ZSCAN25: variants seen among roughly 807,000 people sequenced by gnomAD.
The protein encoded by ZSCAN25 is zinc finger and SCAN domain containing 25.
ZSCAN25 carries 27 observed loss-of-function variants against 38.7 expected under a neutral mutation model. That is an observed-to-expected ratio of 0.70 (90% CI 0.51 to 0.96). The LOEUF is 0.96. Ranked by LOEUF, ZSCAN25 falls within the 40% of genes least tolerant of loss-of-function variation. The pLI, the probability that ZSCAN25 is intolerant of heterozygous loss-of-function variation, is 0.00. For missense variants in ZSCAN25, 637 were observed against 705.9 expected, an observed-to-expected ratio of 0.90 and a Z score of 1.11; for synonymous variants, 273 against 277.7, an observed-to-expected ratio of 0.98 and a Z score of 0.17.
At chr7:99,640,961 T>C in the ZSCAN25 span, among the ~76,000 whole-genome samples, 1 of 152,178 alleles carries the variant, frequency 6.6e-6, no homozygotes, top group African/African-American at 2.4e-5. Flanking sequence ...CTCTGTTCTA[T>C]CATCTGAGTG....
chr7:99,672,810 T>A, the ZSCAN25 span: 1 of 1,513,764 alleles, frequency 6.6e-7, no homozygotes, highest in Non-Finnish European at 8.8e-7. Flanking sequence ...CACAGCAACC[T>A]TAGGTTCTAG....
Position 99,620,229 on chromosome 7 carries a change from A to G in ZSCAN25, c.387+236A>G. 1.1e-5 allele frequency: 6 copies of G among 563,406 alleles called. 1 individual carries two copies. In the South Asian group the frequency reaches 1.6e-4, roughly 15 times the overall value. The allele number at this position is 563,406 out of a possible 1,614,324, so 34.9% of individuals were successfully genotyped here. A position where few individuals can be genotyped will look rare whatever the true frequency, so the allele number is the denominator to read the frequency against. On this transcript the variant is annotated intron_variant, in intron 4 of 7. Transcript: ENST00000394152. ...AGCCTCTGTTTGGTCATGAGGGCAGAGGCCTGGCCATATTTCCCTTGTGGG... is the reference window on the plus strand; with the variant it reads ...AGCCTCTGTTTGGTCATGAGGGCAGGGGCCTGGCCATATTTCCCTTGTGGG...
the ZSCAN25 span, among the ~76,000 whole-genome samples, chr7:99,710,059 A>G: frequency 6.6e-6 from 1 of 152,178 alleles, no homozygotes; most frequent in Non-Finnish European, 1.5e-5. Flanking sequence ...TCAGGGCTGG[A>G]CTGTAATCTC....
chr7:99,630,509 C>T lies in ZSCAN25; in HGVS notation c.*489C>T. 2 of 994,500 alleles carry T rather than the reference C, an allele frequency of 2.0e-6. No homozygotes were observed. Among genetic ancestry groups the T allele is most frequent in the Non-Finnish European group, 1.2e-6 (1 of 835,526 alleles). The allele number at this position is 994,500 out of a possible 1,614,324, so 61.6% of individuals were successfully genotyped here. A position where few individuals can be genotyped will look rare whatever the true frequency, so the allele number is the denominator to read the frequency against. ...ATGCCGTGGTGAATGAGAGACTAGA[C>T]GTGATGCCTCTGGGGGTTGTGCGTT... On this transcript the variant is annotated 3_prime_UTR_variant, in exon 8 of 8. Transcript: ENST00000394152.
chr7:99,678,364 ACC>A, the ZSCAN25 span, among the ~76,000 whole-genome samples: 1 of 152,242 alleles, frequency 6.6e-6, no homozygotes, highest in East Asian at 1.9e-4. Context: ...TATGGATCCT[ACC>A]TGGAAGCCTT....
the ZSCAN25 span, among the ~76,000 whole-genome samples, chr7:99,657,144 C>T: frequency 1.3e-5 from 2 of 151,970 alleles, no homozygotes; most frequent in Non-Finnish European, 2.9e-5. Context: ...GTGTTTGCTC[C>T]TGCTTCTCTA....
the ZSCAN25 span, among the ~76,000 whole-genome samples, chr7:99,733,880 A>T: frequency 6.6e-6 from 1 of 152,246 alleles, no homozygotes; most frequent in South Asian, 2.1e-4. Context: ...GTATTAAAAT[A>T]AACTCTTGGG....
At chr7:99,691,225 A>G in the ZSCAN25 span, among the ~76,000 whole-genome samples, 2 of 151,776 alleles carry the variant, frequency 1.3e-5, no homozygotes, top group Non-Finnish European at 2.9e-5. Flanking sequence ...TACTCACTCA[A>G]AGGTTGGAAT....
the ZSCAN25 span, chr7:99,662,828 C>CA: frequency 6.2e-7 from 1 of 1,613,978 alleles, no homozygotes; most frequent in African/African-American, 1.3e-5. This position sits in a 1 kb window ranked among gnomAD's most constrained non-coding sequence, Gnocchi z 4.3. Context: ...TTGTGGGACT[C>CA]AGTTTCTTTC....
the ZSCAN25 span, chr7:99,705,457 G>T: frequency 8.1e-6 from 13 of 1,601,474 alleles, no homozygotes; most frequent in Non-Finnish European, 1.0e-5. Flanking sequence ...GGTGTTCTGG[G>T]GCACAGCTTT....
chr7:99,655,233 TC>T, the ZSCAN25 span, among the ~76,000 whole-genome samples: 1 of 152,246 alleles, frequency 6.6e-6, no homozygotes, highest in African/African-American at 2.4e-5. Context: ...AAGTCTTTAA[TC>T]CATCTTGAAT....
downstream of ZSCAN25, among the ~76,000 whole-genome samples, chr7:99,632,986 G>GTT (rs201141594): frequency 7.1e-6 from 1 of 141,482 alleles, no homozygotes; most frequent in Non-Finnish European, 1.5e-5. Flanking sequence ...TGCATTTTCT[G>GTT]TTGTTTTTTT....
At position 99,619,528 on chromosome 7, in the gene ZSCAN25, G is replaced by T. The variant is rs571155605; in HGVS notation, c.-46-33G>T. 2.6e-5 allele frequency: 39 copies of T among 1,479,488 alleles called. No individual in the cohort carries two copies. The East Asian group carries it at 8.6e-4, about 33-fold the overall frequency. 91.6% of individuals were successfully genotyped at this position (1,479,488 alleles called of 1,614,324 possible). On this transcript the variant is annotated intron_variant, in intron 3 of 7. Coordinates refer to ENST00000394152, the MANE Select transcript of ZSCAN25 (RefSeq NM_145115.3). Reference sequence around the variant, plus strand: ...TGATGTAGAGACAGAACTGGGATGGGCTGACCTTTCATGTGTCTCTTGTTC... The same window carrying T: ...TGATGTAGAGACAGAACTGGGATGGTCTGACCTTTCATGTGTCTCTTGTTC...
At chr7:99,682,821 A>G in the ZSCAN25 span, among the ~76,000 whole-genome samples, 1 of 152,080 alleles carries the variant, frequency 6.6e-6, no homozygotes, top group Non-Finnish European at 1.5e-5. Context: ...TACAATATTA[A>G]TTGTAGACAT....
the ZSCAN25 span, among the ~76,000 whole-genome samples, chr7:99,667,357 C>T: frequency 7.1e-4 from 108 of 152,276 alleles, no homozygotes; most frequent in African/African-American, 2.5e-3. Context: ...ACTGTTCTTC[C>T]AGTGGAATAG....
At chr7:99,736,280 A>T in the ZSCAN25 span, among the ~76,000 whole-genome samples, 1 of 152,246 alleles carries the variant, frequency 6.6e-6, no homozygotes, top group African/African-American at 2.4e-5. Context: ...TCAGCCAGCA[A>T]CAATGGGGCA....
At chr7:99,685,207 A>G in the ZSCAN25 span, 1 of 1,613,704 alleles carries the variant, frequency 6.2e-7, no homozygotes, top group South Asian at 1.1e-5. Flanking sequence ...TGGTTGAAGA[A>G]GTCCTCCTAA....
At chr7:99,733,091 C>A in the ZSCAN25 span, among the ~76,000 whole-genome samples, 1 of 152,218 alleles carries the variant, frequency 6.6e-6, no homozygotes, top group Admixed American at 6.5e-5. Flanking sequence ...GCATTTGGAT[C>A]CTTGCCCCAG....
Position 99,624,055 on chromosome 7 carries a change from A to G in ZSCAN25, c.682-2A>G, listed in dbSNP as rs1562966792. On this transcript the variant is annotated splice_acceptor_variant, in intron 6 of 7. Coordinates refer to ENST00000394152, the MANE Select transcript of ZSCAN25 (RefSeq NM_145115.3). LOFTEE classifies it high-confidence loss of function. ...ATTCATAGCAATCTCCTATTGTTGC[A>G]GGGGTTGGGGCCATTTAAAGATATG... The G allele has an allele frequency of 1.2e-6, 2 of 1,614,122 alleles. No individual in the cohort carries two copies. The highest frequency in any genetic ancestry group is 3.3e-4 in the Middle Eastern group (2 of 6,008).
Sources: gnomAD v4.1 joint callset for allele counts (sites outside exome capture counted in the v4.1 genomes callset) on GRCh38, gnomAD v4.1.1 for gene constraint, Gnocchi (gnomAD v3.1) non-coding constraint, MANE v1.5 for transcripts, NCBI Gene and HGNC (gene_info 2026-07-23, HGNC 2026-07-21) for gene names.